The following DACH2 variants were observed in gnomAD, a reference collection of about 807,000 sequenced individuals.
DACH2 encodes the protein dachshund homolog 2.
In DACH2, 17 loss-of-function variants were observed where a neutral mutation model predicts 35.8. The observed-to-expected ratio is 0.48, with a 90% CI of 0.33 to 0.71. The LOEUF (loss-of-function observed/expected upper bound fraction) is 0.71. DACH2 is among the 30% of genes least tolerant of loss of function. DACH2 has a pLI of 0.02. For missense variants in DACH2, 469 were observed against 472.7 expected, an observed-to-expected ratio of 0.99 and a Z score of 0.07; for synonymous variants, 195 against 177.3, an observed-to-expected ratio of 1.10 and a Z score of -0.79.
chrX:86,754,547 T>C (rs1254551482), intron 7 of DACH2, among the ~76,000 whole-genome samples: 1 of 111,151 alleles, frequency 9.0e-6, no homozygotes, highest in Non-Finnish European at 1.9e-5. Flanking sequence ...GTTGTACTCA[T>C]TGTAGCCAAC....
chrX:86,709,611 C>G, intron 5 of DACH2, among the ~76,000 whole-genome samples: 1 of 111,431 alleles, frequency 9.0e-6, no homozygotes, highest in South Asian at 3.7e-4. Flanking sequence ...AATGAAAAAA[C>G]AAACAACAGA....
intron 3 of DACH2, among the ~76,000 whole-genome samples, chrX:86,556,463 T>C (rs1164812522): frequency 9.1e-6 from 1 of 109,992 alleles, no homozygotes; most frequent in Non-Finnish European, 1.9e-5. Flanking sequence ...GGTTCTTAAA[T>C]ACTAGGCCAC....
chrX:86,385,256 G>T (rs929773120), intron 2 of DACH2, among the ~76,000 whole-genome samples: 7 of 111,296 alleles, frequency 6.3e-5, no homozygotes, highest in Non-Finnish European at 1.3e-4. Flanking sequence ...GAAGGTAGTA[G>T]TTTTTATTTT....
chrX:86,254,807 T>TATATATAGAGAGAGAGAGAGAGAG (rs1380613474), intron 1 of DACH2, among the ~76,000 whole-genome samples: 2 of 49,652 alleles, frequency 4.0e-5, no homozygotes, highest in African/African-American at 2.3e-4. Flanking sequence ...TATATATATA[T>TATATATAGAGAGAGAGAGAGAGAG]AGAGAGAGAG....
At chrX:86,207,472 T>C (rs910440784) in intron 1 of DACH2, among the ~76,000 whole-genome samples, 1 of 111,393 alleles carries the variant, frequency 9.0e-6, no homozygotes, top group Admixed American at 9.6e-5. Flanking sequence ...CTCATTTATC[T>C]TGGTGTGATT....
At chrX:86,675,142 A>C (rs980225950) in intron 4 of DACH2, among the ~76,000 whole-genome samples, 3 of 111,033 alleles carry the variant, frequency 2.7e-5, no homozygotes, top group African/African-American at 9.8e-5. Flanking sequence ...CCACTTTTTT[A>C]TGCTGCTTAT....
rs1218489076 is a variant in DACH2, at chrX:86,204,476, G to T, written c.488+55368G>T. On this transcript the variant is annotated intron_variant, in intron 1 of 11. Coordinates refer to ENST00000373125, the MANE Select transcript of DACH2 (RefSeq NM_053281.3). ...CCAAGACTGGACTGAGCACTGTTTG[G>T]AAAGGCATGATCGCAGTGGCTGTTG... Among the ~76,000 whole-genome samples the T allele has an allele frequency of 2.7e-5, 3 of 111,705 alleles. No individual in the cohort carries two copies. The East Asian group carries it at 8.5e-4, about 32-fold the overall frequency.
At chrX:86,325,631 C>T (rs2035100001) in intron 1 of DACH2, among the ~76,000 whole-genome samples, 1 of 112,130 alleles carries the variant, frequency 8.9e-6, no homozygotes. Context: ...CAACTTGATG[C>T]AATTTTAGTG....
At chrX:86,750,177 C>T (rs1242195218) in intron 7 of DACH2, among the ~76,000 whole-genome samples, 1 of 110,626 alleles carries the variant, frequency 9.0e-6, no homozygotes, top group Non-Finnish European at 1.9e-5. Context: ...TTTCTTATCT[C>T]AAGAGGAAAG....
At chrX:86,629,046 G>T (rs1012023217) in intron 3 of DACH2, among the ~76,000 whole-genome samples, 1 of 112,005 alleles carries the variant, frequency 8.9e-6, no homozygotes, top group Non-Finnish European at 1.9e-5. Flanking sequence ...CTTATAGAGA[G>T]AAATTTATTG....
chrX:86,458,195 A>T (rs2037508345), intron 2 of DACH2, among the ~76,000 whole-genome samples: 1 of 111,666 alleles, frequency 9.0e-6, no homozygotes, highest in Non-Finnish European at 1.9e-5. Flanking sequence ...CTTCTAGGAA[A>T]ATTTTATAGT....
chrX:86,528,168 G>A (rs1274405549), intron 3 of DACH2, among the ~76,000 whole-genome samples: 4 of 111,358 alleles, frequency 3.6e-5, no homozygotes, highest in African/African-American at 1.3e-4. Flanking sequence ...AAAGTGGAAA[G>A]GTGACCCAAA....
intron 1 of DACH2, among the ~76,000 whole-genome samples, chrX:86,362,176 A>G (rs964418155): frequency 1.8e-5 from 2 of 111,292 alleles, no homozygotes; most frequent in Admixed American, 9.6e-5. Flanking sequence ...GTTTAAACCT[A>G]AATATTCAAA....
At chrX:86,698,521 GTTTTTTTTTTTTTT>G (rs767152609) in intron 5 of DACH2, among the ~76,000 whole-genome samples, 4 of 32,957 alleles carry the variant, frequency 1.2e-4, no homozygotes, top group Admixed American at 4.9e-4. Context: ...TTAGTTTTGT[GTTTTTTTTTTTTTT>G]TTTTTTTTTT....
At chrX:86,312,353 C>A (rs904498491) in intron 1 of DACH2, among the ~76,000 whole-genome samples, 1 of 111,481 alleles carries the variant, frequency 9.0e-6, no homozygotes, top group Non-Finnish European at 1.9e-5. Context: ...CGAAGGATAG[C>A]TGTATTATGT....
intron 1 of DACH2, among the ~76,000 whole-genome samples, chrX:86,218,033 C>G (rs1301101835): frequency 1.8e-5 from 2 of 111,681 alleles, no homozygotes; most frequent in East Asian, 5.6e-4. Flanking sequence ...CTTGCTCTAT[C>G]TTTATCACTC....
chrX:86,417,875 T>G (rs1244247404), intron 2 of DACH2, among the ~76,000 whole-genome samples: 1 of 111,636 alleles, frequency 9.0e-6, no homozygotes, highest in Non-Finnish European at 1.9e-5. Flanking sequence ...GCAAGTACCT[T>G]CTGCTTATGA....
intron 1 of DACH2, among the ~76,000 whole-genome samples, chrX:86,204,466 G>A (rs2032234292): frequency 9.0e-6 from 1 of 111,653 alleles, no homozygotes. Context: ...ACTGGACTGA[G>A]CACTGTTTGG....
intron 1 of DACH2, among the ~76,000 whole-genome samples, chrX:86,251,804 G>A (rs984876802): frequency 2.5e-4 from 28 of 111,564 alleles, no homozygotes; most frequent in African/African-American, 8.8e-4. Context: ...ATAAACATGC[G>A]TGTACAAGTA....
Sources: allele counts gnomAD v4.1 joint callset (sites outside exome capture counted in the v4.1 genomes callset), GRCh38; gene constraint gnomAD v4.1.1; transcripts MANE v1.5; gene names NCBI Gene and HGNC (gene_info 2026-07-23, HGNC 2026-07-21).